The following FCHO2 variants were observed in gnomAD, a reference collection of about 807,000 sequenced individuals.
FCHO2 encodes the protein FCH and mu domain containing endocytic adaptor 2.
FCHO2 carries 43 observed loss-of-function variants against 114.1 expected under a neutral mutation model. That is an observed-to-expected ratio of 0.38 (90% confidence interval 0.30 to 0.49). The LOEUF (loss-of-function observed/expected upper bound fraction) is 0.49. FCHO2 is among the 20% of genes least tolerant of loss of function. The pLI, the probability that FCHO2 is intolerant of heterozygous loss-of-function variation, is 0.97. For synonymous variants in FCHO2, 293 were observed against 315.2 expected, an observed-to-expected ratio of 0.93 and a Z score of 0.75; for missense variants, 807 against 950.4, an observed-to-expected ratio of 0.85 and a Z score of 1.98.
chr5:73,077,260 G>A lies in FCHO2; in HGVS notation c.1692-78G>A, dbSNP rs113041262. ...CGTGTGTGTGTGCGCACGTGCACGC[G>A]TGTGCCTTTTTAAACCAAATACTTT... is the stretch of plus-strand genomic sequence containing the variant. On this transcript the variant is annotated intron_variant, in intron 20 of 25. Transcript: ENST00000430046. 6,394 of 1,357,490 alleles carry A rather than the reference G, an allele frequency of 4.7e-3. 134 individuals carry two copies. The African/African-American group carries it at 0.054, about 11-fold the overall frequency. 84.1% of individuals were successfully genotyped at this position (1,357,490 alleles called of 1,614,324 possible).
At chr5:73,040,866 A>G (rs1361106818) in intron 10 of FCHO2, among the ~76,000 whole-genome samples, 4 of 152,220 alleles carry the variant, frequency 2.6e-5, no homozygotes, top group East Asian at 1.9e-4. Flanking sequence ...ACTTTTTTTT[A>G]AAGTCAAGCT....
At chr5:73,039,977 T>C (rs935466326) in intron 10 of FCHO2, among the ~76,000 whole-genome samples, 2 of 151,770 alleles carry the variant, frequency 1.3e-5, no homozygotes, top group Non-Finnish European at 2.9e-5. Flanking sequence ...GAAAGTCACC[T>C]GGGGTTTGCA....
intron 18 of FCHO2, among the ~76,000 whole-genome samples, chr5:73,064,647 G>C (rs985845237): frequency 6.6e-6 from 1 of 152,016 alleles, no homozygotes; most frequent in Non-Finnish European, 1.5e-5. Context: ...ATGTACAAGA[G>C]TCTTTATAAA....
intron 11 of FCHO2, among the ~76,000 whole-genome samples, chr5:73,048,907 C>G (rs972196504): frequency 7.8e-6 from 1 of 128,916 alleles, no homozygotes; most frequent in African/African-American, 3.0e-5. Context: ...GACGGAGTCT[C>G]GCTCTGTCGC....
intron 1 of FCHO2, among the ~76,000 whole-genome samples, chr5:72,967,277 T>C (rs890866239): frequency 6.6e-6 from 1 of 152,226 alleles, no homozygotes; most frequent in Non-Finnish European, 1.5e-5. Context: ...AGAGTGAGAC[T>C]GTCTCAAAAA....
At chr5:72,996,716 G>A (rs1309124492) in intron 5 of FCHO2, among the ~76,000 whole-genome samples, 3 of 152,134 alleles carry the variant, frequency 2.0e-5, no homozygotes, top group South Asian at 2.1e-4. Context: ...ACGCCTGTCC[G>A]CCAGCTCCCC....
intron 8 of FCHO2, among the ~76,000 whole-genome samples, chr5:73,018,351 T>G (rs949744878): frequency 9.9e-5 from 15 of 152,204 alleles, no homozygotes; most frequent in African/African-American, 3.6e-4. Context: ...TTCTCCAATC[T>G]ATTTTACATG....
intron 16 of FCHO2, among the ~76,000 whole-genome samples, chr5:73,056,838 G>A (rs1469016676): frequency 6.6e-6 from 1 of 152,068 alleles, no homozygotes; most frequent in Admixed American, 6.5e-5. Flanking sequence ...TGGAAAGGGA[G>A]AGAGAGGCTA....
chr5:72,970,810 A>G (rs1360414835), intron 2 of FCHO2, among the ~76,000 whole-genome samples: 5 of 152,078 alleles, frequency 3.3e-5, no homozygotes, highest in African/African-American at 1.2e-4. Context: ...CTAACTCGTC[A>G]TCTAGCATTA....
intron 8 of FCHO2, among the ~76,000 whole-genome samples, chr5:73,022,128 T>G (rs1755661898): frequency 1.3e-5 from 2 of 152,198 alleles, no homozygotes; most frequent in Middle Eastern, 3.4e-3. Flanking sequence ...AGTGTAGATA[T>G]GTTGACATAA....
At chr5:72,972,649 A>G (rs1321064903) in intron 2 of FCHO2, among the ~76,000 whole-genome samples, 1 of 152,228 alleles carries the variant, frequency 6.6e-6, no homozygotes, top group East Asian at 1.9e-4. Context: ...ATCTGCAAAC[A>G]AGGACAATTT....
chr5:73,034,612 A>G (rs1474914566), intron 8 of FCHO2, 45 bp from the exon 9 acceptor site: 2 of 1,478,708 alleles, frequency 1.4e-6, no homozygotes, highest in South Asian at 2.5e-5. Flanking sequence ...AAATTTACCT[A>G]ATAGTTTTTT....
chr5:73,080,580 G>T (rs187039211), intron 22 of FCHO2, among the ~76,000 whole-genome samples: 33 of 152,248 alleles, frequency 2.2e-4, no homozygotes, highest in African/African-American at 7.0e-4. Flanking sequence ...AGTCTGGAAG[G>T]ATATATGCCA....
intron 1 of FCHO2, among the ~76,000 whole-genome samples, chr5:72,964,613 C>G (rs972000977): frequency 6.6e-6 from 1 of 152,140 alleles, no homozygotes; most frequent in African/African-American, 2.4e-5. Context: ...GTCTCAAACT[C>G]CTGACCTCAG....
intron 6 of FCHO2, among the ~76,000 whole-genome samples, chr5:73,008,285 A>G (rs1005415611): frequency 1.3e-5 from 2 of 152,200 alleles, no homozygotes; most frequent in Non-Finnish European, 2.9e-5. Context: ...AGTATGTCTA[A>G]AGGAGAATCA....
At chr5:72,972,541 A>C (rs1752615480) in intron 2 of FCHO2, among the ~76,000 whole-genome samples, 1 of 152,014 alleles carries the variant, frequency 6.6e-6, no homozygotes, top group Admixed American at 6.6e-5. Flanking sequence ...TGATTTTTGT[A>C]CATTGATTTT....
chr5:73,014,357 C>T (rs1358891912), intron 6 of FCHO2, among the ~76,000 whole-genome samples: 9 of 148,494 alleles, frequency 6.1e-5, no homozygotes, highest in African/African-American at 1.2e-4. Context: ...GGCGTGATCT[C>T]GGCTCACTGC....
Position 73,023,636 on chromosome 5 carries a change from G to A in FCHO2, c.796+6328G>A, listed in dbSNP as rs141428165. Among the ~76,000 whole-genome samples, 161 of 151,858 alleles carry A rather than the reference G, an allele frequency of 1.1e-3. 2 individuals are homozygous for A. The highest frequency in any genetic ancestry group is 3.8e-3 in the African/African-American group (157 of 41,350). On this transcript the variant is annotated intron_variant, in intron 8 of 25. Transcript: ENST00000430046. ...AATTGCTTGAACCCGGGAGGCAGAG[G>A]TTGCAGCGAGCTCAGATTGCGCCAT...
chr5:73,081,682 T>C, intron 22 of FCHO2, 101 bp from the exon 23 acceptor site: 1 of 790,268 alleles, frequency 1.3e-6, no homozygotes, highest in Non-Finnish European at 1.9e-6. Flanking sequence ...TCATTAGATA[T>C]TTTTGATTTT....
Sources: allele counts gnomAD v4.1 joint callset (sites outside exome capture counted in the v4.1 genomes callset), GRCh38; gene constraint gnomAD v4.1.1; transcripts MANE v1.5; gene names NCBI Gene and HGNC (gene_info 2026-07-23, HGNC 2026-07-21).